PPP3CA: variants seen among roughly 807,000 people sequenced by gnomAD.
PPP3CA encodes CAM-PRP catalytic subunit.
A neutral mutation model predicts 66.5 loss-of-function variants in PPP3CA; 14 were observed. That is an observed-to-expected ratio of 0.21 (90% CI 0.14 to 0.33). PPP3CA has a LOEUF of 0.33. Ranked by LOEUF, PPP3CA falls within the 10% of genes least tolerant of loss-of-function variation. The probability of loss-of-function intolerance (pLI) is 1.00; values close to 1 mark genes in which losing one functional copy is unlikely to be tolerated. For missense variants in PPP3CA, 317 were observed against 639.5 expected (o/e 0.50, Z 5.44); for synonymous variants, 232 against 226.2 (o/e 1.03, Z -0.23).
At chr4:101,099,929 T>TA (rs1294148167) in intron 3 of PPP3CA, among the ~76,000 whole-genome samples, 1 of 151,666 alleles carries the variant, frequency 6.6e-6, no homozygotes, top group Admixed American at 6.6e-5. Context: ...ACCTAAAACA[T>TA]ACATACACGC....
chr4:101,063,539 T>C (rs528836304), intron 8 of PPP3CA, among the ~76,000 whole-genome samples, 182 bp from the exon 9 acceptor site: 21 of 152,048 alleles, frequency 1.4e-4, no homozygotes, highest in African/African-American at 4.6e-4. Flanking sequence ...GGGTAATATA[T>C]AACTGCACAA....
At chr4:101,224,657 A>G (rs977344340) in intron 1 of PPP3CA, among the ~76,000 whole-genome samples, 5 of 151,816 alleles carry the variant, frequency 3.3e-5, no homozygotes, top group Non-Finnish European at 5.9e-5. Flanking sequence ...AGCTAATTTG[A>G]GGTATGTGTG....
intron 1 of PPP3CA, among the ~76,000 whole-genome samples, chr4:101,298,383 G>GT (rs1422149610): frequency 6.6e-6 from 1 of 150,620 alleles, no homozygotes; most frequent in Non-Finnish European, 1.5e-5. Flanking sequence ...CTTTAACAAC[G>GT]TAAGTTTGAA....
In PPP3CA at chr4:101,040,511, G is replaced by T; in HGVS notation, c.1212C>A (p.Gly404=). ...EVIRNKIRAI[G]KMARVFSVLR... ...GCACTGAGAACACTCTGGCCATTTT[G>T]CCTATTGCTCGGATCTTGTTCCTTA... The change falls in exon 11 of 14, where the codon GGC becomes GGA. Residue 404 remains glycine (G), a synonymous_variant. Coordinates refer to ENST00000394854, the MANE Select transcript of PPP3CA (RefSeq NM_000944.5). The T allele has an allele frequency of 6.2e-7, 1 of 1,613,234 alleles. No individual in the cohort carries two copies. Among genetic ancestry groups the T allele is most frequent in the Non-Finnish European group, 8.5e-7 (1 of 1,179,730 alleles).
intron 1 of PPP3CA, among the ~76,000 whole-genome samples, chr4:101,333,103 CTTTTT>C (rs66790132): frequency 3.4e-5 from 3 of 88,288 alleles, no homozygotes; most frequent in Non-Finnish European, 4.5e-5. Context: ...CATCTTCTTT[CTTTTT>C]TTTTTTTTTT....
intron 1 of PPP3CA, among the ~76,000 whole-genome samples, chr4:101,241,211 G>A (rs1726297321): frequency 6.6e-6 from 1 of 152,030 alleles, no homozygotes; most frequent in African/African-American, 2.4e-5. Context: ...AAAGAGAAGT[G>A]ACCTAGGCTT....
At chr4:101,305,401 A>G (rs1185789415) in intron 1 of PPP3CA, among the ~76,000 whole-genome samples, 1 of 152,188 alleles carries the variant, frequency 6.6e-6, no homozygotes, top group East Asian at 1.9e-4. Context: ...GACCCCATAA[A>G]TTATTGTTTA....
chr4:101,217,481 G>A (rs1365201483), intron 1 of PPP3CA, among the ~76,000 whole-genome samples: 1 of 152,078 alleles, frequency 6.6e-6, no homozygotes, highest in Non-Finnish European at 1.5e-5. Context: ...CATGTTGAGT[G>A]AGTTGAAACA....
Position 101,106,453 on chromosome 4 carries a change from G to GAAGAGAAA in PPP3CA, c.384+2500_384+2501insTTTCTCTT, listed in dbSNP as rs775018059. ...AGAAAGAAAGAAAGAAAGAAAGAAAGAGAAAAGAAAAGAAAAGAAAAGAAA... is the reference window on the plus strand; with the variant it reads ...AGAAAGAAAGAAAGAAAGAAAGAAAGAAGAGAAAAGAAAAGAAAAGAAAAGAAAAGAAA... On this transcript the variant is annotated intron_variant, in intron 3 of 13. Coordinates refer to ENST00000394854, the MANE Select transcript of PPP3CA (RefSeq NM_000944.5). Among the ~76,000 whole-genome samples, 37 of 35,516 alleles carry GAAGAGAAA rather than the reference G, an allele frequency of 1.0e-3. 3 individuals carry two copies. The highest frequency in any genetic ancestry group is 1.2e-3 in the Admixed American group (4 of 3,446). 23.3% of individuals were successfully genotyped at this position (35,516 alleles called of 152,430 possible). A position where few individuals can be genotyped will look rare whatever the true frequency, so the allele number is the denominator to read the frequency against.
intron 2 of PPP3CA, among the ~76,000 whole-genome samples, chr4:101,157,998 A>T (rs1723380571): frequency 6.6e-6 from 1 of 152,160 alleles, no homozygotes; most frequent in South Asian, 2.1e-4. Flanking sequence ...TAATGATGTC[A>T]TATTGATATA....
In PPP3CA at chr4:101,049,617, T is replaced by C. The variant is rs568912665; in HGVS notation, c.1157-9051A>G. Among the ~76,000 whole-genome samples the C allele has an allele frequency of 1.2e-3, 176 of 152,138 alleles. 1 individual carries two copies. Among genetic ancestry groups the C allele is most frequent in the Non-Finnish European group, 2.2e-3 (152 of 67,988 alleles). On this transcript the variant is annotated intron_variant, in intron 10 of 13. Coordinates refer to ENST00000394854, the MANE Select transcript of PPP3CA (RefSeq NM_000944.5). ...TTAATAGGATTTACTGAGGACATAATTGTGCATACGTGATAAGTGCTGGAA... is the reference window on the plus strand; with the variant it reads ...TTAATAGGATTTACTGAGGACATAACTGTGCATACGTGATAAGTGCTGGAA...
chr4:101,282,653 G>T (rs1184750216), intron 1 of PPP3CA, among the ~76,000 whole-genome samples: 2 of 152,062 alleles, frequency 1.3e-5, no homozygotes, highest in Non-Finnish European at 2.9e-5. Context: ...GATGTCCAAA[G>T]ACTGGGGTAG....
intron 5 of PPP3CA, among the ~76,000 whole-genome samples, chr4:101,096,553 A>C (rs972294725): frequency 2.0e-5 from 3 of 152,196 alleles, no homozygotes; most frequent in African/African-American, 7.2e-5. Flanking sequence ...TAATTAAAAC[A>C]CTATTTTGAG....
chr4:101,249,973 G>C (rs1460305902), intron 1 of PPP3CA, among the ~76,000 whole-genome samples: 1 of 151,994 alleles, frequency 6.6e-6, no homozygotes, highest in Non-Finnish European at 1.5e-5. Context: ...CTCAGTGCTA[G>C]CCATTTAACA....
chr4:101,345,710 C>A (rs1729961181), intron 1 of PPP3CA, among the ~76,000 whole-genome samples: 1 of 152,190 alleles, frequency 6.6e-6, no homozygotes. Flanking sequence ...GAGTGATCAA[C>A]CACAGCCTGT....
intron 10 of PPP3CA, among the ~76,000 whole-genome samples, chr4:101,043,599 G>A (rs1727629067): frequency 6.6e-6 from 1 of 152,030 alleles, no homozygotes; most frequent in Admixed American, 6.5e-5. Context: ...TCTCGGCCGG[G>A]CGCAGTGGCT....
At chr4:101,137,939 C>G (rs1202080516) in intron 2 of PPP3CA, among the ~76,000 whole-genome samples, 1 of 150,844 alleles carries the variant, frequency 6.6e-6, no homozygotes, top group African/African-American at 2.4e-5. Context: ...AAATTCAAAC[C>G]AGCAAGGACT....
intron 1 of PPP3CA, among the ~76,000 whole-genome samples, chr4:101,290,069 T>C (rs960835294): frequency 1.3e-5 from 2 of 152,166 alleles, no homozygotes; most frequent in African/African-American, 4.8e-5. Flanking sequence ...ACATTGTACC[T>C]AGCAAGACAA....
rs1730021676 is a variant in PPP3CA, at chr4:101,346,846, AC to A, written c.-51del. On this transcript the variant is annotated 5_prime_UTR_variant, in exon 1 of 14. Coordinates refer to ENST00000394854, the MANE Select transcript of PPP3CA (RefSeq NM_000944.5). ...GCGCTGCTCGTCCGTCCGACTGCAC[AC>A]CCCGACCGGACCGGCGGGCCAGACA... The A allele has an allele frequency of 6.3e-7, 1 of 1,582,116 alleles. No homozygotes were observed. Among genetic ancestry groups the A allele is most frequent in the African/African-American group, 1.4e-5 (1 of 73,548 alleles).
Sources: allele counts gnomAD v4.1 joint callset (sites outside exome capture counted in the v4.1 genomes callset), GRCh38; gene constraint gnomAD v4.1.1; transcripts MANE v1.5; gene names NCBI Gene and HGNC (gene_info 2026-07-23, HGNC 2026-07-21).